Variants in CNTNAP4 observed in about 807,000 individuals in gnomAD.
The protein encoded by CNTNAP4 is contactin associated protein family member 4.
CNTNAP4 carries 98 observed loss-of-function variants against 148.4 expected under a neutral mutation model. The ratio of observed to expected loss-of-function variants is 0.66; its 90% CI spans 0.56 to 0.78. The LOEUF is 0.78. Ranked by LOEUF, CNTNAP4 falls within the 30% of genes least tolerant of loss-of-function variation. CNTNAP4 has a pLI of 0.00. For missense variants in CNTNAP4, 1,935 were observed against 1,565.6 expected (o/e 1.24, Z -3.98); for synonymous variants, 730 against 565.1 (o/e 1.29, Z -4.14).
chr16:76,338,812 G>A (rs879490435), intron 2 of CNTNAP4, among the ~76,000 whole-genome samples: 1 of 152,092 alleles, frequency 6.6e-6, no homozygotes, highest in Non-Finnish European at 1.5e-5. Context: ...CATGTTTAAG[G>A]TGGGGAAAAA....
chr16:76,466,413 G>T (rs201952522), intron 9 of CNTNAP4, among the ~76,000 whole-genome samples: 4 of 152,114 alleles, frequency 2.6e-5, no homozygotes, highest in East Asian at 1.9e-4. Context: ...TAAATGGATT[G>T]TTTGTAAAAT....
chr16:76,407,969 C>A (rs1461395243), intron 3 of CNTNAP4, among the ~76,000 whole-genome samples: 5 of 152,138 alleles, frequency 3.3e-5, no homozygotes, highest in African/African-American at 1.2e-4. Context: ...GCAACCACCA[C>A]CCTGATCAGT....
intron 3 of CNTNAP4, among the ~76,000 whole-genome samples, chr16:76,373,505 C>CA (rs2015084040): frequency 1.3e-5 from 2 of 151,944 alleles, no homozygotes; most frequent in South Asian, 2.1e-4. Flanking sequence ...GAAATGTTCA[C>CA]AAAAAATACT....
intron 23 of CNTNAP4, among the ~76,000 whole-genome samples, chr16:76,554,142 G>A (rs2085089844): frequency 6.6e-6 from 1 of 152,110 alleles, no homozygotes. Context: ...CTGAAGCATG[G>A]CACTCAAAGA....
intron 23 of CNTNAP4, among the ~76,000 whole-genome samples, chr16:76,555,647 A>G (rs374143360): frequency 5.3e-5 from 8 of 152,226 alleles, no homozygotes; most frequent in Admixed American, 2.0e-4. Flanking sequence ...TCTCTAGACT[A>G]TTGTTGTTTT....
intron 3 of CNTNAP4, among the ~76,000 whole-genome samples, chr16:76,364,233 C>CAAAAAAAAAAAA (rs58589609): frequency 3.3e-4 from 16 of 48,182 alleles, no homozygotes; most frequent in Non-Finnish European, 4.3e-4. Flanking sequence ...GATTCCATCT[C>CAAAAAAAAAAAA]AAAAAAAAAA....
chr16:76,535,532 A>G lies in CNTNAP4; in HGVS notation c.2756-13A>G. On this transcript the variant is annotated splice_polypyrimidine_tract_variant and intron_variant, in intron 17 of 23. Transcript: ENST00000611870. ...CTAGGAACATGTTTCCATTTGCAGT[A>G]TTTCCCTTTTAGGTGGAACGGCCAC... 6.2e-7 allele frequency: 1 copy of G among 1,611,088 alleles called. No homozygotes were observed. The highest frequency in any genetic ancestry group is 2.2e-5 in the East Asian group (1 of 44,844).
chr16:76,340,901 T>C (rs1964418448), intron 2 of CNTNAP4, among the ~76,000 whole-genome samples: 1 of 152,222 alleles, frequency 6.6e-6, no homozygotes. Flanking sequence ...GTGCTAATTT[T>C]CCCTTCTCCA....
intron 1 of CNTNAP4, chr16:76,287,742 GTGACCCTGATTCACTCCATTT>G (rs976151727): frequency 6.6e-6 from 1 of 152,174 alleles, no homozygotes; most frequent in African/African-American, 2.4e-5. Flanking sequence ...ACTGCTCCCT[GTGACCCTGATTCACTCCATTT>G]TATATCATAC....
At chr16:76,424,762 A>T (rs2079320637) in intron 3 of CNTNAP4, among the ~76,000 whole-genome samples, 1 of 56,760 alleles carries the variant, frequency 1.8e-5, no homozygotes, top group Non-Finnish European at 4.3e-5. Flanking sequence ...CGGTCTAAAA[A>T]AACAAAAACA....
chr16:76,549,987 A>T (rs996100721), intron 21 of CNTNAP4, among the ~76,000 whole-genome samples: 3 of 152,224 alleles, frequency 2.0e-5, no homozygotes, highest in African/African-American at 4.8e-5. Flanking sequence ...GAATACTGAG[A>T]TAAGATACAC....
chr16:76,494,298 G>C (rs115565963), intron 13 of CNTNAP4, among the ~76,000 whole-genome samples: 254 of 152,226 alleles, frequency 1.7e-3, no homozygotes, highest in African/African-American at 5.6e-3. Context: ...CCAGCATGAA[G>C]ATTTTTCAGT....
At chr16:76,382,285 AT>A in intron 3 of CNTNAP4, among the ~76,000 whole-genome samples, 1 of 152,250 alleles carries the variant, frequency 6.6e-6, no homozygotes, top group South Asian at 2.1e-4. Context: ...TTTGTTGTTT[AT>A]TTCAACTATT....
rs374622637 is a variant in CNTNAP4 at position 76,479,537 on chromosome 16, C to T, written c.1881C>T (p.Thr627=). 40 of 1,602,442 alleles carry T rather than the reference C, an allele frequency of 2.5e-5. No homozygotes were observed. Among genetic ancestry groups the T allele is most frequent in the East Asian group, 1.6e-4 (7 of 44,346 alleles). Residue 627 remains threonine (T), a splice_region_variant and synonymous_variant, in exon 12 of 24, where the codon ACC becomes ACT. Coordinates refer to ENST00000611870, the MANE Select transcript of CNTNAP4 (RefSeq NM_033401.5). The part of the protein sequence containing the change: ...LEPFLLYCNM[T]ETAWTIIQHN... ...CATTTCTTCTATATTGCAATATGAC[C>T]GGTGAGTTAATCAGCTTTTATTTTA...
chr16:76,322,170 C>T (rs1278918202), intron 2 of CNTNAP4, among the ~76,000 whole-genome samples: 1 of 152,222 alleles, frequency 6.6e-6, no homozygotes, highest in East Asian at 1.9e-4. Context: ...ACGTGAATTG[C>T]AAGAGTCCCC....
chr16:76,482,193 A>G (rs1464055844), intron 12 of CNTNAP4, among the ~76,000 whole-genome samples: 1 of 151,982 alleles, frequency 6.6e-6, no homozygotes, highest in African/African-American at 2.4e-5. Context: ...TCTTAATTGT[A>G]TTGGGAGACC....
intron 2 of CNTNAP4, among the ~76,000 whole-genome samples, chr16:76,317,963 G>A (rs1357777973): frequency 6.6e-6 from 1 of 152,138 alleles, no homozygotes; most frequent in Admixed American, 6.5e-5. Context: ...ATATATTTGT[G>A]TAGATAATGC....
rs761576739 is a variant in CNTNAP4, at chr16:76,452,669, A to T, written c.1233A>T (p.Glu411Asp). Residue 411 changes from glutamate (E) to aspartate (D), a missense_variant, in exon 8 of 24, where the codon GAA (glutamate) becomes GAT (aspartate). Transcript: ENST00000611870. The part of the protein sequence containing the change: ...WNKAGLLLFS[E>D]LQLISGGILL... ...AGGCAGGGCTTCTGCTGTTCAGTGA[A>T]CTTCAGCTGATTTCAGGGGGTATCC... 9 of 1,613,640 alleles carry T rather than the reference A, an allele frequency of 5.6e-6. No individual in the cohort carries two copies. The highest frequency in any genetic ancestry group is 7.6e-6 in the Non-Finnish European group (9 of 1,179,816).
At chr16:76,296,898 T>A (rs2033246) in intron 1 of CNTNAP4, among the ~76,000 whole-genome samples, 5,566 of 152,204 alleles carry the variant, frequency 0.037, 341 homozygotes, top group African/African-American at 0.13. Context: ...TCTTATGAGA[T>A]TTAAAAATCC....
Sources: gnomAD v4.1 joint callset for allele counts (sites outside exome capture counted in the v4.1 genomes callset) on GRCh38, gnomAD v4.1.1 for gene constraint, MANE v1.5 for transcripts, NCBI Gene and HGNC (gene_info 2026-07-23, HGNC 2026-07-21) for gene names.